Variants in RHOH observed in about 807,000 individuals in gnomAD.
The protein encoded by RHOH is ras homolog family member H.
In RHOH, 6 loss-of-function variants were observed where a neutral mutation model predicts 13.8. The ratio of observed to expected loss-of-function variants is 0.44; its 90% CI spans 0.24 to 0.86. The LOEUF is 0.86. Ranked by LOEUF, RHOH falls within the 40% of genes least tolerant of loss-of-function variation. RHOH has a pLI of 0.24. For synonymous variants in RHOH, 117 were observed against 103.0 expected, an observed-to-expected ratio of 1.14 and a Z score of -0.82; for missense variants, 147 against 244.5, an observed-to-expected ratio of 0.60 and a Z score of 2.66.
intron 1 of RHOH, among the ~76,000 whole-genome samples, chr4:40,228,513 A>G (rs1291582171): frequency 2.6e-5 from 4 of 152,126 alleles, no homozygotes; most frequent in African/African-American, 9.7e-5. Context: ...TCCACCACCA[A>G]TGGCTTAAAT....
intron 1 of RHOH, among the ~76,000 whole-genome samples, chr4:40,214,557 CAAGCCTAGGG>C (rs1312115316): frequency 2.0e-5 from 3 of 152,166 alleles, no homozygotes; most frequent in Non-Finnish European, 2.9e-5. Context: ...GCTACCAAGG[CAAGCCTAGGG>C]AAGCCTACTA....
At chr4:40,197,835 C>G (rs1579217505) in intron 1 of RHOH, among the ~76,000 whole-genome samples, 1 of 152,244 alleles carries the variant, frequency 6.6e-6, no homozygotes, top group Admixed American at 6.5e-5. Flanking sequence ...TAAATTTAAT[C>G]TTTCTTCTGA....
In RHOH at chr4:40,246,166, T is replaced by C. The variant is rs1729755593; in HGVS notation, c.*2204T>C. The C allele has an allele frequency of 6.6e-6, 1 of 152,156 alleles. No individual in the cohort carries two copies. The highest frequency in any genetic ancestry group is 1.5e-5 in the Non-Finnish European group (1 of 68,068). The allele number at this position is 152,156 out of a possible 1,614,324, so 9.4% of individuals were successfully genotyped here. ...CAGAGTCTTAAATCACGGATGCGGGTGTTCAGGGCCAGCCTTTGCCATGAG... is the reference window on the plus strand; with the variant it reads ...CAGAGTCTTAAATCACGGATGCGGGCGTTCAGGGCCAGCCTTTGCCATGAG... On this transcript the variant is annotated 3_prime_UTR_variant, in exon 3 of 3. Coordinates refer to ENST00000381799, the MANE Select transcript of RHOH (RefSeq NM_004310.5).
intron 1 of RHOH, among the ~76,000 whole-genome samples, chr4:40,228,871 T>C (rs761416799): frequency 2.0e-5 from 3 of 152,206 alleles, no homozygotes; most frequent in Non-Finnish European, 4.4e-5. Flanking sequence ...GAGTTTCTTT[T>C]CTTTTTAAGG....
chr4:40,193,787 GA>G, upstream of RHOH: 1 of 152,806 alleles, frequency 6.5e-6, no homozygotes, highest in Non-Finnish European at 1.5e-5. Flanking sequence ...GCCAGGGGGT[GA>G]AAGGGACAGG....
chr4:40,203,037 T>A (rs1156343823), intron 1 of RHOH, among the ~76,000 whole-genome samples: 1 of 152,186 alleles, frequency 6.6e-6, no homozygotes, highest in Non-Finnish European at 1.5e-5. Context: ...AGTGGCATGA[T>A]CTTGGCTCAC....
Position 40,245,918 on chromosome 4 carries a change from C to T in RHOH, c.*1956C>T, listed in dbSNP as rs1014078251. On this transcript the variant is annotated 3_prime_UTR_variant, in exon 3 of 3. Transcript: ENST00000381799. ...TCTTGATCTCTGGTGGGAGGATTGC[C>T]TCGGTTCCCTGGGGCTGACACAGCT... The T allele has an allele frequency of 6.6e-6, 1 of 152,236 alleles. No individual in the cohort carries two copies. The highest frequency in any genetic ancestry group is 2.4e-5 in the African/African-American group (1 of 41,440). 9.4% of individuals were successfully genotyped at this position (152,236 alleles called of 1,614,324 possible). A position where few individuals can be genotyped will look rare whatever the true frequency, so the allele number is the denominator to read the frequency against.
At chr4:40,195,117 A>G (rs1158841766), upstream of RHOH, among the ~76,000 whole-genome samples, 1 of 152,110 alleles carries the variant, frequency 6.6e-6, no homozygotes. Context: ...CCTCACCCCC[A>G]GTTTTAGTGT....
intron 1 of RHOH, among the ~76,000 whole-genome samples, chr4:40,199,757 A>T (rs994205311): frequency 1.3e-5 from 2 of 152,204 alleles, no homozygotes; most frequent in Non-Finnish European, 2.9e-5. Flanking sequence ...ATTTCTACTT[A>T]GGAGTGGGGA....
At chr4:40,201,550 C>T (rs1312395768) in intron 1 of RHOH, among the ~76,000 whole-genome samples, 2 of 152,116 alleles carry the variant, frequency 1.3e-5, no homozygotes, top group Non-Finnish European at 2.9e-5. Context: ...ATCTGAGCAT[C>T]TGTTTTCAAT....
At chr4:40,193,669 G>C (rs555143908), upstream of RHOH, 1 of 152,476 alleles carries the variant, frequency 6.6e-6, no homozygotes, top group African/African-American at 2.4e-5. Flanking sequence ...GATTAGAGGC[G>C]TGTAGGTCAG....
upstream of RHOH, among the ~76,000 whole-genome samples, chr4:40,195,338 TCTTTC>T (rs936110571): frequency 6.6e-6 from 1 of 151,188 alleles, no homozygotes. Context: ...ATTTTCCCTT[TCTTTC>T]CTTTCTTTCT....
chr4:40,222,397 G>C (rs1265771136), intron 1 of RHOH, among the ~76,000 whole-genome samples: 1 of 152,240 alleles, frequency 6.6e-6, no homozygotes, highest in Admixed American at 6.5e-5. Flanking sequence ...GGCTAATGCA[G>C]CTGGTTGCTT....
At chr4:40,226,040 C>T (rs1727187413) in intron 1 of RHOH, among the ~76,000 whole-genome samples, 1 of 152,126 alleles carries the variant, frequency 6.6e-6, no homozygotes, top group Non-Finnish European at 1.5e-5. Context: ...CTTCAAACAG[C>T]GTCTGGCAAA....
rs916805810 is a variant in RHOH, at chr4:40,218,047, G to A, written c.-331+20747G>A. ...ATGATATTTGACTGTTTTAAGGTAT[G>A]GAGTGCTTTGTACAAGGTACAAAAC... On this transcript the variant is annotated intron_variant, in intron 1 of 2. Transcript: ENST00000381799. The surrounding 1 kb of genome is among the most constrained non-coding windows in gnomAD (Gnocchi z 4.1). The A allele has an allele frequency of 6.6e-6, 1 of 152,178 alleles. No individual in the cohort carries two copies. The highest frequency in any genetic ancestry group is 1.5e-5 in the Non-Finnish European group (1 of 68,032). The allele number at this position is 152,178 out of a possible 1,614,324, so 9.4% of individuals were successfully genotyped here.
rs530646267 is a variant in RHOH at position 40,219,310 on chromosome 4, G to A, written c.-331+22010G>A. The stretch of plus-strand genomic sequence containing the variant: ...GCCTGAAGTCCCAGCTACATGGGAG[G>A]CTGAGGCAGGCGAATCACTTGAACC... On this transcript the variant is annotated intron_variant, in intron 1 of 2. Transcript: ENST00000381799. Among the ~76,000 whole-genome samples the A allele has an allele frequency of 1.8e-4, 27 of 151,850 alleles. No homozygotes were observed. The Middle Eastern group carries it at 0.017, about 96-fold the overall frequency.
intron 1 of RHOH, among the ~76,000 whole-genome samples, chr4:40,239,147 G>A (rs1028711059): frequency 1.3e-5 from 2 of 152,046 alleles, no homozygotes; most frequent in African/African-American, 4.8e-5. Context: ...GTTTGTTTTC[G>A]TATTCACTGC....
intron 1 of RHOH, among the ~76,000 whole-genome samples, chr4:40,233,998 G>A (rs1185607053): frequency 6.6e-6 from 1 of 151,910 alleles, no homozygotes; most frequent in Non-Finnish European, 1.5e-5. Context: ...TCAATTTATG[G>A]CCCTACAAAA....
intron 1 of RHOH, among the ~76,000 whole-genome samples, 183 bp from the exon 2 acceptor site, chr4:40,242,531 C>T (rs978065351): frequency 6.6e-6 from 1 of 152,198 alleles, no homozygotes; most frequent in Non-Finnish European, 1.5e-5. Flanking sequence ...CAGTCTGTTG[C>T]ATCTCTTACC....
Sources: gnomAD v4.1 joint callset for allele counts (sites outside exome capture counted in the v4.1 genomes callset) on GRCh38, gnomAD v4.1.1 for gene constraint, Gnocchi (gnomAD v3.1) non-coding constraint, MANE v1.5 for transcripts, NCBI Gene and HGNC (gene_info 2026-07-23, HGNC 2026-07-21) for gene names.